The following KIF3C variants were observed in gnomAD, a reference collection of about 807,000 sequenced individuals.
The protein encoded by KIF3C is kinesin-like protein KIF3C.
A neutral mutation model predicts 67.7 loss-of-function variants in KIF3C; 12 were observed. The observed-to-expected ratio is 0.18, with a 90% CI of 0.11 to 0.29. The LOEUF (loss-of-function observed/expected upper bound fraction) is 0.29, where lower values mean the gene tolerates loss of function less well. Among genes scored for constraint, KIF3C ranks in the 10% least tolerant of loss-of-function variants. The pLI, the probability that KIF3C is intolerant of heterozygous loss-of-function variation, is 1.00. For missense variants in KIF3C, 789 were observed against 1,059.6 expected, an observed-to-expected ratio of 0.74 and a Z score of 3.55; for synonymous variants, 393 against 426.2, an observed-to-expected ratio of 0.92 and a Z score of 0.96.
In KIF3C at chr2:25,980,558, C is replaced by T. The variant is rs1240705716; in HGVS notation, c.1360G>A (p.Glu454Lys). The T allele has an allele frequency of 6.2e-7, 1 of 1,614,164 alleles. No individual in the cohort carries two copies. Among genetic ancestry groups the T allele is most frequent in the Non-Finnish European group, 8.5e-7 (1 of 1,180,030 alleles). ...PPQPILESAL[E>K]KNMENYLQEQ... The stretch of plus-strand genomic sequence containing the variant: ...TGCAGGTAATTCTCCATGTTCTTCT[C>T]CAAGGCTGACTCCAGGATGGGCTGG... The change falls in exon 1 of 8, where the codon GAG becomes AAG. Residue 454 changes from glutamate (E) to lysine (K), a missense_variant. Around this residue, in one of 2 missense-constraint regions of KIF3C, gnomAD observed 648 missense variants for 807.8 expected, o/e 0.80. Transcript: ENST00000264712. The surrounding 1 kb of genome is among the most constrained non-coding windows in gnomAD (Gnocchi z 7.6).
intron 5 of KIF3C, among the ~76,000 whole-genome samples, chr2:25,945,235 T>G (rs894786213): frequency 1.3e-5 from 2 of 152,138 alleles, no homozygotes; most frequent in African/African-American, 2.4e-5. Flanking sequence ...ATATGCAGAT[T>G]TAAATTAATG....
intron 5 of KIF3C, among the ~76,000 whole-genome samples, chr2:25,945,922 C>T (rs1179681090): frequency 6.6e-6 from 1 of 152,016 alleles, no homozygotes; most frequent in Non-Finnish European, 1.5e-5. Context: ...ACCAGCCTAG[C>T]CAACATGGCG....
intron 1 of KIF3C, among the ~76,000 whole-genome samples, chr2:25,960,545 C>T (rs796896832): frequency 5.9e-5 from 9 of 152,226 alleles, no homozygotes; most frequent in African/African-American, 1.9e-4. Context: ...ATATCTTACT[C>T]GTATCTCAGG....
intron 1 of KIF3C, among the ~76,000 whole-genome samples, chr2:25,956,791 T>G (rs1477050959): frequency 1.3e-5 from 2 of 152,304 alleles, no homozygotes; most frequent in East Asian, 3.9e-4. Context: ...AGGACCCAGC[T>G]GGTGTTGAGG....
intron 1 of KIF3C, among the ~76,000 whole-genome samples, chr2:25,968,481 C>A (rs1313865855): frequency 6.6e-6 from 1 of 152,142 alleles, no homozygotes. Context: ...AAACCATGAG[C>A]CCCTCAGATC....
At chr2:25,956,500 A>G in intron 1 of KIF3C, 56 bp from the exon 2 acceptor site, 4 of 1,371,638 alleles carry the variant, frequency 2.9e-6, no homozygotes, top group Non-Finnish European at 3.1e-6. Context: ...CAACATTGCT[A>G]GCTGGAGAGA....
intron 7 of KIF3C, 66 bp from the exon 8 acceptor site, chr2:25,929,137 C>A: frequency 1.4e-6 from 2 of 1,470,164 alleles, no homozygotes; most frequent in South Asian, 1.2e-5. Flanking sequence ...AAAGTGGGTC[C>A]TCTCCTTTGC....
chr2:25,953,788 C>T lies in KIF3C; in HGVS notation c.1889+479G>A, dbSNP rs35114134. ...CAGGTTCAAGCAATTCTGCCTCAGC[C>T]TCCTGAGTAGCTGGGATTACAAGTG... On this transcript the variant is annotated intron_variant, in intron 4 of 7. Transcript: ENST00000264712. 7.4e-3 allele frequency among the ~76,000 whole-genome samples: 1,127 copies of T among 152,018 alleles called. 8 individuals carry two copies. The highest frequency in any genetic ancestry group is 0.037 in the Middle Eastern group (11 of 294).
chr2:25,955,625 G>A lies in KIF3C; in HGVS notation c.1686C>T (p.Leu562=). ...REREMQQEMM[L]RDEETMELRG... ...GGAGCTCCATAGTCTCCTCGTCCCGGAGCATCATCTCCTGCTGCATCTCCC... is the reference window on the plus strand; with the variant it reads ...GGAGCTCCATAGTCTCCTCGTCCCGAAGCATCATCTCCTGCTGCATCTCCC... Residue 562 remains leucine (L), a synonymous_variant, in exon 3 of 8, where the codon CTC becomes CTT. Transcript: ENST00000264712. This position sits in a 1 kb window ranked among gnomAD's most constrained non-coding sequence, Gnocchi z 5.0. 6.2e-7 allele frequency: 1 copy of A among 1,614,130 alleles called. No individual in the cohort carries two copies. Among genetic ancestry groups the A allele is most frequent in the Non-Finnish European group, 8.5e-7 (1 of 1,180,012 alleles).
intron 5 of KIF3C, among the ~76,000 whole-genome samples, chr2:25,940,639 T>C (rs1370661110): frequency 6.8e-6 from 1 of 146,788 alleles, no homozygotes; most frequent in Non-Finnish European, 1.5e-5. Flanking sequence ...GGGGCTAGAA[T>C]TCAGAATGTT....
At chr2:25,961,201 C>T (rs1663935775) in intron 1 of KIF3C, among the ~76,000 whole-genome samples, 2 of 152,120 alleles carry the variant, frequency 1.3e-5, no homozygotes, top group Admixed American at 6.6e-5. Context: ...GCACTCCTGG[C>T]AAGGCTGCAC....
chr2:25,962,934 TATAATATATA>T (rs1664013121), intron 1 of KIF3C, among the ~76,000 whole-genome samples: 1 of 36,054 alleles, frequency 2.8e-5, no homozygotes, highest in Non-Finnish European at 3.8e-5. Flanking sequence ...ATATAATACA[TATAATATATA>T]ATATATAATA....
intron 5 of KIF3C, among the ~76,000 whole-genome samples, chr2:25,930,331 C>T (rs2090448985): frequency 6.6e-6 from 1 of 152,106 alleles, no homozygotes; most frequent in South Asian, 2.1e-4. Flanking sequence ...GACAGACACA[C>T]CTGCATCACT....
intron 5 of KIF3C, among the ~76,000 whole-genome samples, chr2:25,950,817 T>C (rs931030902): frequency 6.6e-6 from 1 of 151,770 alleles, no homozygotes; most frequent in Non-Finnish European, 1.5e-5. Flanking sequence ...TGCTTGCCAC[T>C]TACAAACTTA....
chr2:25,934,677 G>C (rs952330877), intron 5 of KIF3C, among the ~76,000 whole-genome samples: 1 of 152,050 alleles, frequency 6.6e-6, no homozygotes, highest in African/African-American at 2.4e-5. Flanking sequence ...TTAAGCAGTA[G>C]AGCTAAAAAA....
intron 1 of KIF3C, among the ~76,000 whole-genome samples, chr2:25,977,655 C>T (rs750890427): frequency 4.6e-5 from 7 of 152,176 alleles, no homozygotes; most frequent in South Asian, 2.1e-4. Flanking sequence ...GTATTTGGTG[C>T]TTTCAACTTA....
At chr2:25,969,288 T>C (rs1311701167) in intron 1 of KIF3C, among the ~76,000 whole-genome samples, 1 of 152,210 alleles carries the variant, frequency 6.6e-6, no homozygotes, top group Non-Finnish European at 1.5e-5. Flanking sequence ...GGCATTAACA[T>C]ATATCTTTTA....
chr2:25,929,618 T>C (rs577103565), intron 6 of KIF3C, 141 bp from the exon 7 acceptor site: 2 of 591,440 alleles, frequency 3.4e-6, no homozygotes, highest in East Asian at 3.0e-5. Flanking sequence ...CATAGGCTCT[T>C]TTTTTTTTTT....
At chr2:25,943,448 C>T (rs1294913869) in intron 5 of KIF3C, among the ~76,000 whole-genome samples, 4 of 152,228 alleles carry the variant, frequency 2.6e-5, no homozygotes, top group Non-Finnish European at 5.9e-5. Flanking sequence ...AAGTCAGAAT[C>T]ACAACTGGGA....
Sources: allele counts gnomAD v4.1 joint callset (sites outside exome capture counted in the v4.1 genomes callset), GRCh38; gene constraint gnomAD v4.1.1; regional missense constraint gnomAD v4.1.1; non-coding constraint Gnocchi (gnomAD v3.1); transcripts MANE v1.5; gene names NCBI Gene and HGNC (gene_info 2026-07-23, HGNC 2026-07-21).